NECTIN3: variants seen among roughly 807,000 people sequenced by gnomAD.
NECTIN3 encodes the protein nectin cell adhesion molecule 3.
Under a neutral mutation model 49.4 loss-of-function variants are expected in NECTIN3, and 8 were observed. That is an observed-to-expected ratio of 0.16 (90% CI 0.10 to 0.29). The LOEUF (loss-of-function observed/expected upper bound fraction) is 0.29. Ranked by LOEUF, NECTIN3 falls within the 10% of genes least tolerant of loss-of-function variation. The pLI is 1.00. For missense variants in NECTIN3, 581 were observed against 654.6 expected (o/e 0.89, Z 1.23); for synonymous variants, 277 against 241.1 (o/e 1.15, Z -1.38).
intron 6 of NECTIN3, among the ~76,000 whole-genome samples, chr3:111,146,645 A>G (rs1232525953): frequency 1.3e-5 from 2 of 152,172 alleles, no homozygotes; most frequent in Non-Finnish European, 2.9e-5. Flanking sequence ...TTCAGGATCT[A>G]TAGCTTTCAT....
At chr3:111,157,141 T>C (rs1402381801) in intron 7 of NECTIN3, among the ~76,000 whole-genome samples, 3 of 152,170 alleles carry the variant, frequency 2.0e-5, no homozygotes, top group African/African-American at 7.2e-5. Flanking sequence ...CCCACTGTTT[T>C]AGGTGAGGGG....
exon 6 of NECTIN3, chr3:111,144,904 C>G: frequency 6.5e-7 from 1 of 1,532,970 alleles, no homozygotes; most frequent in South Asian, 1.2e-5. Context: ...TACAGATGTT[C>G]CATTTAAGCA....
downstream of NECTIN3, among the ~76,000 whole-genome samples, chr3:111,142,059 G>A (rs974749990): frequency 5.9e-5 from 9 of 151,820 alleles, no homozygotes; most frequent in African/African-American, 9.7e-5. Context: ...AGATATGTGC[G>A]AAACAGTGTT....
rs191060194 is a variant in NECTIN3 at position 111,181,776 on chromosome 3, G to A, written c.1222-10575G>A. On this transcript the variant is annotated intron_variant, in intron 7 of 8. Coordinates refer to the NECTIN3 transcript ENST00000493615. ...TTGATTTGTGTTTTCTCTTTTTCTT[G>A]CTAGGGGTTTTCCCATTTTATTAAT... Among the ~76,000 whole-genome samples the A allele has an allele frequency of 1.2e-3, 184 of 151,894 alleles. No homozygotes were observed. The Middle Eastern group carries it at 0.014, about 11-fold the overall frequency.
chr3:111,178,446 C>T (rs1051741441), intron 7 of NECTIN3, among the ~76,000 whole-genome samples: 1 of 152,124 alleles, frequency 6.6e-6, no homozygotes, highest in African/African-American at 2.4e-5. Flanking sequence ...GAAATACCCT[C>T]CTCATAAATT....
intron 5 of NECTIN3, among the ~76,000 whole-genome samples, chr3:111,143,416 G>T (rs1036272686): frequency 6.6e-6 from 1 of 151,742 alleles, no homozygotes; most frequent in Non-Finnish European, 1.5e-5. Flanking sequence ...TAAACAAAAT[G>T]AGCCATTAAT....
At chr3:111,118,248 C>CTATATATATATATATATATATATA (rs34878535) in intron 2 of NECTIN3, among the ~76,000 whole-genome samples, 15 of 77,996 alleles carry the variant, frequency 1.9e-4, no homozygotes, top group Non-Finnish European at 3.1e-4. Context: ...TAAAATGAAG[C>CTATATATATATATATATATATATA]TATATATATA....
chr3:111,122,061 T>C (rs927790400), intron 3 of NECTIN3, 60 bp from the exon 4 acceptor site: 7 of 1,104,870 alleles, frequency 6.3e-6, no homozygotes, highest in South Asian at 1.4e-5. Context: ...TATTTTATCA[T>C]GTATATTGCA....
At chr3:111,122,524 GATAA>G (rs1449005045) in intron 4 of NECTIN3, among the ~76,000 whole-genome samples, 1 of 151,994 alleles carries the variant, frequency 6.6e-6, no homozygotes, top group African/African-American at 2.4e-5. Flanking sequence ...TGACTTCTTA[GATAA>G]ATAATTATAA....
At chr3:111,090,109 T>A (rs866971469) in intron 1 of NECTIN3, among the ~76,000 whole-genome samples, 3 of 152,188 alleles carry the variant, frequency 2.0e-5, no homozygotes, top group Non-Finnish European at 4.4e-5. Flanking sequence ...TTGCAACCTT[T>A]ACTCTCAATC....
chr3:111,130,098 A>G (rs993092707), intron 5 of NECTIN3, among the ~76,000 whole-genome samples: 1 of 151,752 alleles, frequency 6.6e-6, no homozygotes, highest in Non-Finnish European at 1.5e-5. Context: ...CTGGGACTAC[A>G]GGTGGCCGCC....
At chr3:111,181,836 C>G (rs544618032) in intron 7 of NECTIN3, among the ~76,000 whole-genome samples, 4 of 151,722 alleles carry the variant, frequency 2.6e-5, no homozygotes, top group Non-Finnish European at 5.9e-5. Flanking sequence ...TTTATTAATT[C>G]TCTCCATTGT....
chr3:111,120,346 A>G (rs1359585989), intron 3 of NECTIN3, among the ~76,000 whole-genome samples: 1 of 152,168 alleles, frequency 6.6e-6, no homozygotes, highest in African/African-American at 2.4e-5. Flanking sequence ...ATGTTCTTAG[A>G]ATAGTCATGA....
At position 111,136,084 on chromosome 3, in the gene NECTIN3, G is replaced by A. The variant is rs1298027483; in HGVS notation, c.*1869G>A. 5 of 983,534 alleles carry A rather than the reference G, an allele frequency of 5.1e-6. No homozygotes were observed. The highest frequency in any genetic ancestry group is 6.0e-6 in the Non-Finnish European group (5 of 828,626). The allele number at this position is 983,534 out of a possible 1,614,324, so 60.9% of individuals were successfully genotyped here. On this transcript the variant is annotated 3_prime_UTR_variant, in exon 6 of 6. Transcript: ENST00000485303. ...CTTTATTTTTAATTTAAACGATGAGGTGGCCAGAAGAAAGATGGGTCTAAA... is the reference window on the plus strand; with the variant it reads ...CTTTATTTTTAATTTAAACGATGAGATGGCCAGAAGAAAGATGGGTCTAAA...
At chr3:111,149,459 ATG>A (rs56219611) in intron 7 of NECTIN3, among the ~76,000 whole-genome samples, 17,965 of 128,076 alleles carry the variant, frequency 0.14, 1,126 homozygotes, top group Non-Finnish European at 0.16. Context: ...TTCTGGTAGG[ATG>A]TGTGTGTGTG....
chr3:111,189,659 T>A (rs893629855), upstream of NECTIN3, among the ~76,000 whole-genome samples: 35 of 152,312 alleles, frequency 2.3e-4, no homozygotes, highest in African/African-American at 7.0e-4. Context: ...GATTTTAATA[T>A]AAGGTATTTT....
chr3:111,100,753 A>G (rs904324635), intron 1 of NECTIN3, among the ~76,000 whole-genome samples: 20 of 151,934 alleles, frequency 1.3e-4, no homozygotes, highest in African/African-American at 3.6e-4. Context: ...AAAATAATTC[A>G]TTAGTATTTT....
chr3:111,125,943 G>A (rs957749101), intron 4 of NECTIN3, among the ~76,000 whole-genome samples: 65 of 151,640 alleles, frequency 4.3e-4, no homozygotes, highest in African/African-American at 1.5e-3. Context: ...TTATTATGTT[G>A]GCAGAGCCAC....
At chr3:111,087,692 A>T (rs1021261460) in intron 1 of NECTIN3, among the ~76,000 whole-genome samples, 14 of 146,260 alleles carry the variant, frequency 9.6e-5, no homozygotes, top group South Asian at 6.6e-4. Context: ...TAAAAATTTA[A>T]TTTTTTTTTT....
Sources: gnomAD v4.1 joint callset for allele counts (sites outside exome capture counted in the v4.1 genomes callset) on GRCh38, gnomAD v4.1.1 for gene constraint, MANE v1.5 for transcripts, NCBI Gene and HGNC (gene_info 2026-07-23, HGNC 2026-07-21) for gene names.